The following SLMAP variants were observed in gnomAD, a reference collection of about 807,000 sequenced individuals.
SLMAP encodes sarcolemma associated protein.
In SLMAP, 44 loss-of-function variants were observed where a neutral mutation model predicts 128.8. That is an observed-to-expected ratio of 0.34 (90% CI 0.27 to 0.44). The LOEUF is 0.44. Among genes scored for constraint, SLMAP ranks in the 20% least tolerant of loss-of-function variants. SLMAP has a pLI of 1.00. For missense variants in SLMAP, 787 were observed against 985.3 expected (o/e 0.80, Z 2.69); for synonymous variants, 327 against 348.8 (o/e 0.94, Z 0.70).
chr3:57,789,588 A>G (rs996588140), intron 2 of SLMAP, among the ~76,000 whole-genome samples: 1 of 152,172 alleles, frequency 6.6e-6, no homozygotes, highest in Non-Finnish European at 1.5e-5. Context: ...TGGATTTTAC[A>G]AGGAAGTACA....
intron 2 of SLMAP, among the ~76,000 whole-genome samples, chr3:57,775,173 G>GC (rs201730533): frequency 0.63 from 95,880 of 151,152 alleles, 31,041 homozygotes; most frequent in East Asian, 0.98. Flanking sequence ...TCCTGCCTCA[G>GC]CCCCCGAGTA....
chr3:57,785,017 T>C (rs927725872), intron 2 of SLMAP, among the ~76,000 whole-genome samples: 2 of 152,136 alleles, frequency 1.3e-5, no homozygotes, highest in African/African-American at 2.4e-5. Context: ...AACTGTGAGA[T>C]AGATAGATTT....
intron 13 of SLMAP, among the ~76,000 whole-genome samples, chr3:57,867,311 G>A (rs1428665368): frequency 6.6e-6 from 1 of 152,144 alleles, no homozygotes; most frequent in Non-Finnish European, 1.5e-5. Context: ...TATGTACATG[G>A]AACCATCTTT....
chr3:57,835,379 A>C (rs1362039895), intron 3 of SLMAP, among the ~76,000 whole-genome samples: 1 of 151,982 alleles, frequency 6.6e-6, no homozygotes, highest in Non-Finnish European at 1.5e-5. Flanking sequence ...ACTTCACTTG[A>C]GCCCAGGAAG....
chr3:57,889,905 C>A, intron 14 of SLMAP, 136 bp from the exon 15 acceptor site: 2 of 566,330 alleles, frequency 3.5e-6, no homozygotes, highest in East Asian at 5.6e-5. Context: ...CTTCCAGATT[C>A]AAGTTTTTAT....
intron 14 of SLMAP, among the ~76,000 whole-genome samples, chr3:57,877,708 T>C (rs571739553): frequency 6.6e-6 from 1 of 152,132 alleles, no homozygotes. Context: ...CTTAAGTACA[T>C]GCCAGTGGTG....
chr3:57,839,472 G>T (rs1301662834), intron 3 of SLMAP, among the ~76,000 whole-genome samples: 2 of 117,208 alleles, frequency 1.7e-5, no homozygotes, highest in Non-Finnish European at 3.2e-5. Flanking sequence ...ATGGAGTCTC[G>T]CTCTGTCACC....
Position 57,922,776 on chromosome 3 carries a change from G to T in SLMAP, c.2311-113G>T, listed in dbSNP as rs1559579735. ...TATTCCTCCTTAAACAAAAAGACTTGACTTTGGTGTTCCAGGTGACTAAAT... is the reference window on the plus strand; with the variant it reads ...TATTCCTCCTTAAACAAAAAGACTTTACTTTGGTGTTCCAGGTGACTAAAT... On this transcript the variant is annotated intron_variant, in intron 22 of 24. Transcript: ENST00000671191. 6.3e-6 allele frequency: 6 copies of T among 957,396 alleles called. No homozygotes were observed. The East Asian group carries it at 1.5e-4, about 24-fold the overall frequency. The allele number at this position is 957,396 out of a possible 1,614,324, so 59.3% of individuals were successfully genotyped here.
chr3:57,917,271 G>A, intron 22 of SLMAP, 194 bp downstream of exon 22: 1 of 1,399,104 alleles, frequency 7.1e-7, no homozygotes, highest in Non-Finnish European at 9.4e-7. Context: ...CTTCAGTAGG[G>A]TTGGTCTCAA....
chr3:57,786,755 T>C (rs543675147), intron 2 of SLMAP, among the ~76,000 whole-genome samples: 93 of 143,850 alleles, frequency 6.5e-4, no homozygotes, highest in Admixed American at 9.7e-4. Context: ...TTTTTTTGAG[T>C]TGGAGTCTCG....
Position 57,864,550 on chromosome 3 carries a change from A to G in SLMAP, c.969A>G (p.Val323=). Residue 323 remains valine (V), a splice_region_variant and synonymous_variant, in exon 11 of 25, where the codon GTA becomes GTG. Transcript: ENST00000671191. Reference sequence around the variant, plus strand: ...ACTGAATTTTCTTATTTTTCTAGGTAGCAGAGGGAAAACAAGAGGAAATCC... The same window carrying G: ...ACTGAATTTTCTTATTTTTCTAGGTGGCAGAGGGAAAACAAGAGGAAATCC... The part of the protein sequence containing the change: ...EIKDLSDKLK[V]AEGKQEEIQQ... 6.4e-7 allele frequency: 1 copy of G among 1,564,238 alleles called. No individual in the cohort carries two copies. Among genetic ancestry groups the G allele is most frequent in the Non-Finnish European group, 8.6e-7 (1 of 1,163,938 alleles).
intron 21 of SLMAP, among the ~76,000 whole-genome samples, chr3:57,916,571 T>TA (rs2096817073): frequency 6.6e-6 from 1 of 151,436 alleles, no homozygotes; most frequent in Admixed American, 6.6e-5. Flanking sequence ...TTGAAACATG[T>TA]GTGTTCTTTT....
At chr3:57,766,852 A>G (rs1481878280) in intron 2 of SLMAP, among the ~76,000 whole-genome samples, 1 of 151,916 alleles carries the variant, frequency 6.6e-6, no homozygotes, top group Non-Finnish European at 1.5e-5. Flanking sequence ...TGAAGAATTA[A>G]TTGCTTCTTC....
chr3:57,838,022 T>G (rs2093722060), intron 3 of SLMAP, among the ~76,000 whole-genome samples: 1 of 152,012 alleles, frequency 6.6e-6, no homozygotes, highest in Admixed American at 6.5e-5. Context: ...TTGGTTCATC[T>G]CATAGATTTG....
chr3:57,924,466 T>C (rs1202131923), intron 23 of SLMAP, among the ~76,000 whole-genome samples: 1 of 151,898 alleles, frequency 6.6e-6, no homozygotes, highest in African/African-American at 2.4e-5. Flanking sequence ...CCTCCCGGGT[T>C]CAAGCAGTTC....
chr3:57,861,441 C>G (rs1026979048), intron 9 of SLMAP, among the ~76,000 whole-genome samples: 2 of 152,156 alleles, frequency 1.3e-5, no homozygotes, highest in African/African-American at 4.8e-5. Flanking sequence ...AAATGCTCAT[C>G]AGAAACTAAA....
chr3:57,857,272 C>T (rs2094837601), intron 6 of SLMAP, among the ~76,000 whole-genome samples: 1 of 152,118 alleles, frequency 6.6e-6, no homozygotes, highest in South Asian at 2.1e-4. Context: ...ATGGAGTAGC[C>T]ATTTCCTATC....
At chr3:57,851,833 C>G (rs866362512) in intron 6 of SLMAP, among the ~76,000 whole-genome samples, 1 of 152,056 alleles carries the variant, frequency 6.6e-6, no homozygotes, top group African/African-American at 2.4e-5. Context: ...CTTTTGTGAC[C>G]TTGAGTGAGT....
intron 22 of SLMAP, among the ~76,000 whole-genome samples, chr3:57,919,720 G>A (rs1355878558): frequency 9.9e-5 from 15 of 151,958 alleles, no homozygotes; most frequent in Non-Finnish European, 1.9e-4. Context: ...CTTTGAACCC[G>A]GGAAGTGGAG....
Sources: allele counts gnomAD v4.1 joint callset (sites outside exome capture counted in the v4.1 genomes callset), GRCh38; gene constraint gnomAD v4.1.1; transcripts MANE v1.5; gene names NCBI Gene and HGNC (gene_info 2026-07-23, HGNC 2026-07-21).